PIEZO1: variants seen among roughly 807,000 people sequenced by gnomAD.
PIEZO1 encodes the protein piezo-type mechanosensitive ion channel component 1.
A neutral mutation model predicts 297.2 loss-of-function variants in PIEZO1; 296 were observed. The observed-to-expected ratio is 1.00, with a 90% confidence interval of 0.91 to 1.10. The LOEUF (loss-of-function observed/expected upper bound fraction) is 1.10. Among genes scored for constraint, PIEZO1 ranks in the 50% least tolerant of loss-of-function variants. PIEZO1 has a pLI of 0.00. For synonymous variants in PIEZO1, 2,427 were observed against 1,507.5 expected, an observed-to-expected ratio of 1.61 and a Z score of -14.13; for missense variants, 5,018 against 3,455.5, an observed-to-expected ratio of 1.45 and a Z score of -11.34.
chr16:88,732,442 G>C lies in PIEZO1; in HGVS notation c.2884C>G (p.Pro962Ala). The C allele has an allele frequency of 2.0e-5, 31 of 1,549,682 alleles. No homozygotes were observed. The highest frequency in any genetic ancestry group is 2.6e-5 in the Non-Finnish European group (30 of 1,146,506). The part of the protein sequence containing the change: ...YRRQHQLAPL[P>A]AQAVFASGTR... The stretch of plus-strand genomic sequence containing the variant: ...CCGCTGGCAAACACGGCCTGGGCAG[G>C]CAGCGGGGCCAGCTGGTGCTGCCGG... The change falls in exon 21 of 51, where the codon CCT becomes GCT. Residue 962 changes from proline (P) to alanine (A), a missense_variant. Physicochemically the swap from Pro to Ala is conservative, Grantham distance 27. Transcript: ENST00000301015.
chr16:88,748,975 C>A (rs992231702), intron 2 of PIEZO1, among the ~76,000 whole-genome samples: 2 of 144,248 alleles, frequency 1.4e-5, no homozygotes, highest in Admixed American at 1.4e-4. Context: ...CGGTGGCTCA[C>A]GTCTGTAATC....
chr16:88,771,498 G>A (rs1442770947), intron 1 of PIEZO1, among the ~76,000 whole-genome samples: 4 of 152,194 alleles, frequency 2.6e-5, no homozygotes, highest in Non-Finnish European at 5.9e-5. Flanking sequence ...CTGGGGGCTC[G>A]GCTCCCCACG....
In PIEZO1 at chr16:88,716,908, G is replaced by T; in HGVS notation, c.6661-10C>A. Reference sequence around the variant, plus strand: ...TCATGGTGAACAGCGGCTGGGGCAGGCACGGGGACACGGGGCCACGAAGAT... The same window carrying T: ...TCATGGTGAACAGCGGCTGGGGCAGTCACGGGGACACGGGGCCACGAAGAT... On this transcript the variant is annotated splice_polypyrimidine_tract_variant and intron_variant, in intron 45 of 50. Coordinates refer to ENST00000301015, the MANE Select transcript of PIEZO1 (RefSeq NM_001142864.4). 1.3e-6 allele frequency: 2 copies of T among 1,549,398 alleles called. No individual in the cohort carries two copies. The highest frequency in any genetic ancestry group is 1.2e-5 in the South Asian group (1 of 84,048).
At chr16:88,720,836 C>T in intron 39 of PIEZO1, 88 bp from the exon 40 acceptor site, 1 of 1,356,752 alleles carries the variant, frequency 7.4e-7, no homozygotes, top group Non-Finnish European at 9.7e-7. Flanking sequence ...CTGGCATTCT[C>T]CCTGTTTGAC....
chr16:88,776,804 CCT>C (rs1907686838), intron 1 of PIEZO1, among the ~76,000 whole-genome samples: 2 of 152,354 alleles, frequency 1.3e-5, no homozygotes, highest in African/African-American at 2.4e-5. Context: ...ACCCACGGCC[CCT>C]GAGCCTGTAC....
chr16:88,731,951 C>CTGGGGGTGGGCGGGG, intron 21 of PIEZO1, 41 bp from the exon 22 acceptor site: 1 of 376,826 alleles, frequency 2.7e-6, no homozygotes, highest in Non-Finnish European at 5.1e-6. Flanking sequence ...TGCACTGAGT[C>CTGGGGGTGGGCGGGG]TGGGGGGAGG....
Position 88,722,907 on chromosome 16 carries a change from G to A in PIEZO1, c.4598C>T (p.Thr1533Ile). 1 of 1,549,292 alleles carries A rather than the reference G, an allele frequency of 6.5e-7. No individual in the cohort carries two copies. The highest frequency in any genetic ancestry group is 8.7e-7 in the Non-Finnish European group (1 of 1,146,798). Residue 1533 changes from threonine (T) to isoleucine (I), a missense_variant, in exon 34 of 51, where the codon ACC (threonine) becomes ATC (isoleucine). Transcript: ENST00000301015. ...GTCGCTCATGGTGCCGTGGTGCCGG[G>A]TGAACTCCTGCAGCCAGCGTGTCAG... Reference protein sequence around the residue: ...DELTRWLQEFTRHHGTMSDVL... With the variant: ...DELTRWLQEFIRHHGTMSDVL...
rs909285125 is a variant in PIEZO1, at chr16:88,761,841, G to A, written c.65-12362C>T. Among the ~76,000 whole-genome samples the A allele has an allele frequency of 3.8e-4, 58 of 151,742 alleles. 1 individual carries two copies. Among genetic ancestry groups the A allele is most frequent in the Non-Finnish European group, 1.2e-4 (8 of 67,958 alleles). On this transcript the variant is annotated intron_variant, in intron 1 of 50. Coordinates refer to ENST00000301015, the MANE Select transcript of PIEZO1 (RefSeq NM_001142864.4). ...TGTGGAGGCCTCAGAGTTTTTCTGT[G>A]CTGGGCTCCCCTGCAGGGTCAGGGA...
At chr16:88,727,976 G>C (rs1246782218) in intron 22 of PIEZO1, 6 of 214,592 alleles carry the variant, frequency 2.8e-5, no homozygotes, top group Non-Finnish European at 5.5e-5. Flanking sequence ...GCGTGTGATA[G>C]GACAGCTCTG....
At position 88,720,653 on chromosome 16, in the gene PIEZO1, C is replaced by T. The variant is rs1448883409; in HGVS notation, c.5764G>A (p.Ala1922Thr). ...AAGCCCTGCAGCCGCCGCCCGGCCG[C>T]CCTTACTCTTCCTCCAGAGCGGCTT... ...RPSRSGGRVR[A>T]AGRRLQGFCL... Residue 1922 changes from alanine to threonine, a missense_variant, in exon 40 of 51, where the codon GCG becomes ACG. Transcript: ENST00000301015. The T allele has an allele frequency of 1.3e-6, 2 of 1,548,296 alleles. No individual in the cohort carries two copies. Among genetic ancestry groups the T allele is most frequent in the Non-Finnish European group, 1.7e-6 (2 of 1,146,052 alleles).
At chr16:88,735,883 T>G (rs1283104861) in intron 12 of PIEZO1, among the ~76,000 whole-genome samples, 1 of 151,924 alleles carries the variant, frequency 6.6e-6, no homozygotes, top group Non-Finnish European at 1.5e-5. Flanking sequence ...ACAGGGGTGG[T>G]GCCCGTGCCA....
At chr16:88,737,538 C>G (rs981964681) in intron 10 of PIEZO1, 21 bp downstream of exon 10, 15 of 1,501,606 alleles carry the variant, frequency 1.0e-5, no homozygotes, top group Non-Finnish European at 1.3e-5. Flanking sequence ...CCAGCCATAC[C>G]TTGCAGTGTG....
rs556205308 is a variant in PIEZO1, at chr16:88,735,171, G to A, written c.1633C>T (p.Pro545Ser). 6.5e-7 allele frequency: 1 copy of A among 1,550,368 alleles called. No individual in the cohort carries two copies. Among genetic ancestry groups the A allele is most frequent in the Non-Finnish European group, 8.7e-7 (1 of 1,146,906 alleles). ...KEKLLKWAES[P>S]AALTEVTVAD... The stretch of plus-strand genomic sequence containing the variant: ...ACGGTGACCTCCGTCAGCGCAGCTG[G>A]AGACTCTGCCCACTTCAGCAGCTTC... The change falls in exon 13 of 51, where the codon CCA becomes TCA. Residue 545 changes from proline to serine, a missense_variant. By Grantham distance (74) the Pro-to-Ser change is moderately conservative. Coordinates refer to ENST00000301015, the MANE Select transcript of PIEZO1 (RefSeq NM_001142864.4).
chr16:88,775,286 G>A (rs771908225), intron 1 of PIEZO1, among the ~76,000 whole-genome samples: 37 of 152,296 alleles, frequency 2.4e-4, no homozygotes, highest in South Asian at 8.3e-4. Flanking sequence ...CAGACCTAGC[G>A]GCCAGTAGCC....
chr16:88,734,893 G>C lies in PIEZO1; in HGVS notation c.1830C>G (p.Leu610=). ...CAGCCACCTGGAAGAGGGTGAGGCA[G>C]AGCAGGAAGAGGAACATGTAGACAA... ...YKIVYMFLFL[L]CLTLFQVYYS... Residue 610 remains leucine, a synonymous_variant, in exon 14 of 51, where the codon CTC becomes CTG. Coordinates refer to ENST00000301015, the MANE Select transcript of PIEZO1 (RefSeq NM_001142864.4). 5 of 1,550,380 alleles carry C rather than the reference G, an allele frequency of 3.2e-6. No individual in the cohort carries two copies. The highest frequency in any genetic ancestry group is 4.4e-6 in the Non-Finnish European group (5 of 1,146,960).
rs865944728 is a variant in PIEZO1 at position 88,721,969 on chromosome 16, C to T, written c.5053G>A (p.Ala1685Thr). 1.9e-5 allele frequency: 30 copies of T among 1,550,010 alleles called. No individual in the cohort carries two copies. In the Middle Eastern group the frequency reaches 1.2e-3, roughly 61 times the overall value. Residue 1685 changes from alanine (A) to threonine (T), a missense_variant, in exon 37 of 51, where the codon GCC becomes ACC. Ala to Thr is a moderately conservative substitution (Grantham distance 58). Coordinates refer to ENST00000301015, the MANE Select transcript of PIEZO1 (RefSeq NM_001142864.4). ...AAGTAGCAGAGCAGCTCCGAGTGGG[C>T]GGCCACACACTGGTACACGGCCCGC... The part of the protein sequence containing the change: ...LLRAVYQCVA[A>T]HSELLCYFII...
chr16:88,720,563 G>A (rs1333901318), intron 40 of PIEZO1, 31 bp from the exon 41 acceptor site: 4 of 1,545,766 alleles, frequency 2.6e-6, no homozygotes, highest in Non-Finnish European at 3.5e-6. Context: ...CCTGGGCCCA[G>A]TACCCGCCTC....
In PIEZO1 at chr16:88,716,379, C is replaced by T. The variant is rs1912033256; in HGVS notation, c.7031G>A (p.Gly2344Asp). The change falls in exon 48 of 51, where the codon GGC becomes GAC. Residue 2344 changes from glycine to aspartate, a missense_variant. Transcript: ENST00000301015. ...CACTCACACAGACTGGTCCGAGGTG[C>T]CCTCGAGCAGGCTGGCCAGCTGCCG... ...ARRQLASLLE[G>D]TSDQSVVIPN... The T allele has an allele frequency of 6.5e-7, 1 of 1,544,524 alleles. No individual in the cohort carries two copies. The highest frequency in any genetic ancestry group is 8.7e-7 in the Non-Finnish European group (1 of 1,143,520).
chr16:88,735,901 C>T (rs907590227), intron 12 of PIEZO1, among the ~76,000 whole-genome samples: 3 of 152,036 alleles, frequency 2.0e-5, no homozygotes, highest in East Asian at 1.9e-4. Flanking sequence ...CCAACAGAGC[C>T]CACGCTCACA....
Sources: allele counts gnomAD v4.1 joint callset (sites outside exome capture counted in the v4.1 genomes callset), GRCh38; gene constraint gnomAD v4.1.1; transcripts MANE v1.5; gene names NCBI Gene and HGNC (gene_info 2026-07-23, HGNC 2026-07-21).